USP26: variants seen among roughly 807,000 people sequenced by gnomAD.
The protein encoded by USP26 is ubiquitin specific peptidase 26, also known as ubiquitin carboxyl-terminal hydrolase 26.
For missense variants in USP26, 649 were observed against 642.3 expected, an observed-to-expected ratio of 1.01 and a Z score of -0.11; for synonymous variants, 236 against 240.6, an observed-to-expected ratio of 0.98 and a Z score of 0.18.
intron 1 of USP26, among the ~76,000 whole-genome samples, chrX:133,094,356 C>G (rs1232077177): frequency 9.0e-6 from 1 of 110,689 alleles, no homozygotes; most frequent in Non-Finnish European, 1.9e-5. Flanking sequence ...CTTCCATTTT[C>G]TCTCCTAACC....
intron 5 of USP26, among the ~76,000 whole-genome samples, chrX:133,053,885 C>G (rs1346939183): frequency 8.9e-6 from 1 of 111,762 alleles, no homozygotes; most frequent in Non-Finnish European, 1.9e-5. Flanking sequence ...TACTTAAGTA[C>G]AGTCTCCTTT....
At chrX:133,062,245 A>G (rs1011851787) in intron 5 of USP26, among the ~76,000 whole-genome samples, 3 of 111,583 alleles carry the variant, frequency 2.7e-5, no homozygotes, top group African/African-American at 9.8e-5. Context: ...AGCCCCAGTC[A>G]GCGGCTTATA....
chrX:133,089,470 C>T (rs2067600269), intron 4 of USP26, among the ~76,000 whole-genome samples: 1 of 111,424 alleles, frequency 9.0e-6, no homozygotes, highest in African/African-American at 3.3e-5. Context: ...GTAATGTGTC[C>T]TAGTTGGTCA....
At chrX:133,037,098 C>T (rs965041847) in intron 5 of USP26, among the ~76,000 whole-genome samples, 37 of 111,869 alleles carry the variant, frequency 3.3e-4, no homozygotes, top group African/African-American at 1.2e-3. Flanking sequence ...GGATAGATTG[C>T]AAAAAATTTC....
intron 5 of USP26, among the ~76,000 whole-genome samples, chrX:133,079,712 A>G (rs1335319704): frequency 8.9e-6 from 1 of 112,075 alleles, no homozygotes; most frequent in Non-Finnish European, 1.9e-5. Flanking sequence ...AAACATTGGA[A>G]TGGAGTGACT....
chrX:133,071,833 C>A (rs1376644988), intron 5 of USP26, among the ~76,000 whole-genome samples: 2 of 111,046 alleles, frequency 1.8e-5, no homozygotes. Flanking sequence ...TAGAATAAGA[C>A]TGAGTAAATA....
At chrX:133,046,690 G>A (rs1217753283) in intron 5 of USP26, among the ~76,000 whole-genome samples, 1 of 111,569 alleles carries the variant, frequency 9.0e-6, no homozygotes, top group Admixed American at 9.5e-5. Context: ...GAAAATCAAT[G>A]CTTGCACAGT....
intron 5 of USP26, among the ~76,000 whole-genome samples, chrX:133,041,871 C>G (rs1340706837): frequency 1.8e-5 from 2 of 112,242 alleles, no homozygotes; most frequent in African/African-American, 6.5e-5. Context: ...TATAAGCCTC[C>G]GACTGGGGCT....
At chrX:133,076,823 C>T (rs1293220582) in intron 5 of USP26, among the ~76,000 whole-genome samples, 1 of 111,840 alleles carries the variant, frequency 8.9e-6, no homozygotes, top group Non-Finnish European at 1.9e-5. Context: ...ACAGCTCTGG[C>T]AAACAACTGG....
chrX:133,096,146 C>T (rs1408317497), intron 1 of USP26, among the ~76,000 whole-genome samples: 1 of 101,982 alleles, frequency 9.8e-6, no homozygotes, highest in Admixed American at 1.1e-4. Flanking sequence ...CTCCTTCCCA[C>T]CTCCCAAAGC....
chrX:133,060,359 C>T (rs1403728291), intron 5 of USP26, among the ~76,000 whole-genome samples: 1 of 111,782 alleles, frequency 8.9e-6, no homozygotes, highest in East Asian at 2.8e-4. Flanking sequence ...TTATTCACCA[C>T]AGTATAAATA....
At chrX:133,039,157 A>G (rs1394107490) in intron 5 of USP26, among the ~76,000 whole-genome samples, 1 of 109,988 alleles carries the variant, frequency 9.1e-6, no homozygotes, top group East Asian at 2.9e-4. Context: ...TCGTGTCTCT[A>G]TCTCTTTCAG....
At chrX:133,091,211 C>A (rs188474614) in intron 2 of USP26, 142 bp downstream of exon 2, 1 of 112,028 alleles carries the variant, frequency 8.9e-6, no homozygotes, top group East Asian at 2.8e-4. Context: ...CCTTCAGGAA[C>A]CCTAGCAAAT....
At chrX:133,094,411 T>C (rs2067620341) in intron 1 of USP26, among the ~76,000 whole-genome samples, 1 of 93,107 alleles carries the variant, frequency 1.1e-5, no homozygotes, top group Non-Finnish European at 2.1e-5. Flanking sequence ...AATAGAAACC[T>C]TTTTTTTTTT....
chrX:133,067,418 A>G (rs2067515360), intron 5 of USP26, among the ~76,000 whole-genome samples: 1 of 112,789 alleles, frequency 8.9e-6, no homozygotes, highest in Admixed American at 9.3e-5. Flanking sequence ...ATAAAGACAC[A>G]CACATACATA....
Position 133,029,408 on chromosome X carries a change from G to A in USP26, c.-76-1112C>T, listed in dbSNP as rs367966589. Among the ~76,000 whole-genome samples, 8 of 112,050 alleles carry A rather than the reference G, an allele frequency of 7.1e-5. No individual in the cohort carries two copies. The East Asian group carries it at 1.4e-3, about 20-fold the overall frequency. On this transcript the variant is annotated intron_variant, in intron 5 of 5. Transcript: ENST00000511190. ...TTTCATCTATCAACCTATGTTCAGC[G>A]AAATAGAGATGGCATCCATCCATAT...
At chrX:133,050,096 T>C (rs1401475031) in intron 5 of USP26, among the ~76,000 whole-genome samples, 2 of 112,519 alleles carry the variant, frequency 1.8e-5, no homozygotes, top group African/African-American at 6.5e-5. Flanking sequence ...CTAACGTCTT[T>C]TGTCCCCCTC....
intron 5 of USP26, among the ~76,000 whole-genome samples, chrX:133,082,943 T>C (rs1286001976): frequency 3.6e-5 from 4 of 111,472 alleles, no homozygotes; most frequent in Non-Finnish European, 7.5e-5. Context: ...AATGACAAAA[T>C]AAGGTAGCAA....
intron 5 of USP26, among the ~76,000 whole-genome samples, chrX:133,061,055 G>A (rs763385059): frequency 6.3e-5 from 7 of 111,638 alleles, no homozygotes; most frequent in Non-Finnish European, 1.1e-4. Flanking sequence ...TTTGGTATCT[G>A]TGGGGATTCC....
Sources: gnomAD v4.1 joint callset for allele counts (sites outside exome capture counted in the v4.1 genomes callset) on GRCh38, gnomAD v4.1.1 for gene constraint, MANE v1.5 for transcripts, NCBI Gene and HGNC (gene_info 2026-07-23, HGNC 2026-07-21) for gene names.